PTBP3: variants seen among roughly 807,000 people sequenced by gnomAD.
PTBP3 encodes the protein polypyrimidine tract binding protein 3.
In PTBP3, 20 loss-of-function variants were observed where a neutral mutation model predicts 58.7. That is an observed-to-expected ratio of 0.34 (90% CI 0.24 to 0.50). The LOEUF (loss-of-function observed/expected upper bound fraction) is 0.50. PTBP3 is among the 20% of genes least tolerant of loss of function. PTBP3 has a pLI of 0.98. For missense variants in PTBP3, 509 were observed against 637.2 expected, an observed-to-expected ratio of 0.80 and a Z score of 2.17; for synonymous variants, 185 against 219.8, an observed-to-expected ratio of 0.84 and a Z score of 1.40.
At chr9:112,290,707 T>TATATACACACACAA (rs377603008) in intron 2 of PTBP3, among the ~76,000 whole-genome samples, 2 of 110,958 alleles carry the variant, frequency 1.8e-5, no homozygotes, top group Admixed American at 1.0e-4. Context: ...TATATATATA[T>TATATACACACACAA]ACACACACAC....
At chr9:112,331,781 G>A (rs900724650) in intron 1 of PTBP3, among the ~76,000 whole-genome samples, 2 of 152,196 alleles carry the variant, frequency 1.3e-5, no homozygotes, top group African/African-American at 2.4e-5. Context: ...CAAATAGCGT[G>A]AAGGGAGAGT....
chr9:112,238,007 C>T (rs1029460031), intron 7 of PTBP3, among the ~76,000 whole-genome samples: 1 of 152,092 alleles, frequency 6.6e-6, no homozygotes, highest in African/African-American at 2.4e-5. Context: ...ATGCTGCAGG[C>T]AAGCAAATTC....
In PTBP3 at chr9:112,252,664, A is replaced by C; in HGVS notation, c.627+14T>G. ...TGATTAACAATTGAAAAATGAAACA[A>C]AGATCATAATTACCATTTTGGCATA... On this transcript the variant is annotated intron_variant, in intron 6 of 13. Coordinates refer to ENST00000374257, the MANE Select transcript of PTBP3 (RefSeq NM_001163788.4). The C allele has an allele frequency of 1.3e-6, 2 of 1,538,630 alleles. No individual in the cohort carries two copies. The highest frequency in any genetic ancestry group is 1.8e-6 in the Non-Finnish European group (2 of 1,112,286).
chr9:112,274,663 A>G (rs1277815972), intron 3 of PTBP3, among the ~76,000 whole-genome samples: 1 of 152,236 alleles, frequency 6.6e-6, no homozygotes, highest in Non-Finnish European at 1.5e-5. Context: ...TTATGAAAGA[A>G]GCCACATATT....
the PTBP3 span, among the ~76,000 whole-genome samples, chr9:112,348,571 G>T: frequency 6.6e-6 from 1 of 152,222 alleles, no homozygotes; most frequent in Non-Finnish European, 1.5e-5. Context: ...AGCCCACTCC[G>T]AAGGAAGAAT....
the PTBP3 span, among the ~76,000 whole-genome samples, chr9:112,367,703 T>C: frequency 3.3e-5 from 5 of 152,202 alleles, no homozygotes; most frequent in Non-Finnish European, 5.9e-5. Flanking sequence ...GTTCCTTTTC[T>C]CTTGCTGCTT....
chr9:112,327,556 C>T (rs749065290), intron 1 of PTBP3, among the ~76,000 whole-genome samples: 5 of 151,760 alleles, frequency 3.3e-5, no homozygotes, highest in African/African-American at 4.8e-5. Flanking sequence ...GGGAGACCAC[C>T]GTCTCAAAAA....
chr9:112,221,403 C>T lies in PTBP3; in HGVS notation c.*2448G>A, dbSNP rs879244012. On this transcript the variant is annotated 3_prime_UTR_variant, in exon 14 of 14. Transcript: ENST00000374257. ...ATTCAACACCACTATGATCCCCTTC[C>T]GTTATTAGCAACTTTGCTACACTTA... The T allele has an allele frequency of 3.0e-5, 30 of 985,634 alleles. No homozygotes were observed. The highest frequency in any genetic ancestry group is 1.1e-4 in the East Asian group (1 of 8,826). 61.1% of individuals were successfully genotyped at this position (985,634 alleles called of 1,614,324 possible). A position where few individuals can be genotyped will look rare whatever the true frequency, so the allele number is the denominator to read the frequency against.
the PTBP3 span, among the ~76,000 whole-genome samples, chr9:112,373,075 T>G: frequency 2.0e-5 from 3 of 152,020 alleles, no homozygotes; most frequent in Admixed American, 2.0e-4. Flanking sequence ...TTTTTGTATC[T>G]TTAGTAGAGA....
chr9:112,268,565 A>G (rs1827216104), intron 3 of PTBP3, among the ~76,000 whole-genome samples: 1 of 144,550 alleles, frequency 6.9e-6, no homozygotes, highest in Non-Finnish European at 1.5e-5. Context: ...GCATGGTGGC[A>G]CATGGCTGTG....
rs981053506 is a variant in PTBP3, at chr9:112,218,919, TAAAACAC to T, written c.*4925_*4931del. On this transcript the variant is annotated 3_prime_UTR_variant, in exon 14 of 14. Coordinates refer to ENST00000374257, the MANE Select transcript of PTBP3 (RefSeq NM_001163788.4). ...GGGGAATTTTGATGAACAGACCACG[TAAAACAC>T]CAGACAATGTCAGAGGCTCCTAGCT... is the stretch of plus-strand genomic sequence containing the variant. The T allele has an allele frequency of 6.6e-6, 1 of 152,420 alleles. No homozygotes were observed. Among genetic ancestry groups the T allele is most frequent in the African/African-American group, 2.4e-5 (1 of 41,466 alleles). 9.4% of individuals were successfully genotyped at this position (152,420 alleles called of 1,614,324 possible). A position where few individuals can be genotyped will look rare whatever the true frequency, so the allele number is the denominator to read the frequency against.
chr9:112,332,811 G>T (rs1179622553), intron 1 of PTBP3: 1 of 1,612,254 alleles, frequency 6.2e-7, no homozygotes, highest in South Asian at 1.1e-5. Flanking sequence ...TAAGTTTCTT[G>T]GGGAGAGAGA....
At chr9:112,324,533 C>A (rs1333225631) in intron 1 of PTBP3, among the ~76,000 whole-genome samples, 1 of 152,062 alleles carries the variant, frequency 6.6e-6, no homozygotes, top group African/African-American at 2.4e-5. Flanking sequence ...ACCTGTAGTC[C>A]CAGTTAGTTG....
At position 112,321,751 on chromosome 9, in the gene PTBP3, T is replaced by G. The variant is rs146703314; in HGVS notation, c.-52+11719A>C. On this transcript the variant is annotated intron_variant, in intron 1 of 13. Coordinates refer to ENST00000374257, the MANE Select transcript of PTBP3 (RefSeq NM_001163788.4). ...ATGGTAACTCTGACAAACTGCTGAG[T>G]ATGAACTAACATACAAGTAAGAAAC... is the stretch of plus-strand genomic sequence containing the variant. 2.8e-3 allele frequency among the ~76,000 whole-genome samples: 429 copies of G among 152,136 alleles called. 1 individual carries two copies. Among genetic ancestry groups the G allele is most frequent in the Non-Finnish European group, 4.0e-3 (271 of 67,990 alleles).
At chr9:112,234,399 T>G (rs987328938) in intron 8 of PTBP3, among the ~76,000 whole-genome samples, 4 of 152,214 alleles carry the variant, frequency 2.6e-5, no homozygotes, top group Admixed American at 6.5e-5. Context: ...ATAGTATGAC[T>G]GCATATTATT....
upstream of PTBP3, chr9:112,333,667 C>T: frequency 3.7e-6 from 2 of 539,886 alleles, no homozygotes; most frequent in South Asian, 3.5e-5. Flanking sequence ...GCCGCGCCCC[C>T]GCCTTCCCCA....
Position 112,290,709 on chromosome 9 carries a change from C to CACACACAAAA in PTBP3, c.34+7122_34+7123insTTTTGTGTGT, listed in dbSNP as rs1554799457. On this transcript the variant is annotated intron_variant, in intron 2 of 13. Coordinates refer to ENST00000374257, the MANE Select transcript of PTBP3 (RefSeq NM_001163788.4). ...AAAAATATATATATATATATATATACACACACACACACACACACACACACA... is the reference window on the plus strand; with the variant it reads ...AAAAATATATATATATATATATATACACACACAAAAACACACACACACACACACACACACA... Among the ~76,000 whole-genome samples the CACACACAAAA allele has an allele frequency of 1.5e-5, 2 of 131,632 alleles. 1 individual carries two copies. The highest frequency in any genetic ancestry group is 3.3e-5 in the Non-Finnish European group (2 of 60,332). The allele number at this position is 131,632 out of a possible 152,430, so 86.4% of individuals were successfully genotyped here. A position where few individuals can be genotyped will look rare whatever the true frequency, so the allele number is the denominator to read the frequency against.
At chr9:112,298,615 G>A (rs1828792694) in intron 1 of PTBP3, 1 of 478,248 alleles carries the variant, frequency 2.1e-6, no homozygotes, top group Non-Finnish European at 4.1e-6. Context: ...ATTTTAAATA[G>A]TACTATTGGT....
In PTBP3 at chr9:112,287,334, G is replaced by GTTTTT. The variant is rs34426952; in HGVS notation, c.34+10493_34+10497dup. 1.3e-3 allele frequency among the ~76,000 whole-genome samples: 129 copies of GTTTTT among 96,076 alleles called. 12 individuals carry two copies. The highest frequency in any genetic ancestry group is 2.0e-3 in the African/African-American group (46 of 23,178). The allele number at this position is 96,076 out of a possible 152,430, so 63.0% of individuals were successfully genotyped here. A position where few individuals can be genotyped will look rare whatever the true frequency, so the allele number is the denominator to read the frequency against. ...TAAGGCTCTGTTCACTTCTTTTTCA[G>GTTTTT]TTTTTTGTTTTTTTTTTTTTTTTGA... On this transcript the variant is annotated intron_variant, in intron 2 of 13. Coordinates refer to ENST00000374257, the MANE Select transcript of PTBP3 (RefSeq NM_001163788.4).
Sources: allele counts gnomAD v4.1 joint callset (sites outside exome capture counted in the v4.1 genomes callset), GRCh38; gene constraint gnomAD v4.1.1; transcripts MANE v1.5; gene names NCBI Gene and HGNC (gene_info 2026-07-23, HGNC 2026-07-21).